ARB2A: variants seen among roughly 807,000 people sequenced by gnomAD.
The protein encoded by ARB2A is cotranscriptional regulator ARB2A.
the ARB2A span, among the ~76,000 whole-genome samples, chr5:93,858,363 T>C: frequency 2.6e-5 from 4 of 152,194 alleles, no homozygotes; most frequent in African/African-American, 7.2e-5. Context: ...CCATTCTTTG[T>C]CAGTTAGGGT....
chr5:93,649,572 C>CCCATT, the ARB2A span, among the ~76,000 whole-genome samples: 3 of 152,288 alleles, frequency 2.0e-5, no homozygotes, highest in South Asian at 6.2e-4. Context: ...GGGAATAACT[C>CCCATT]CAAATCTGTG....
chr5:93,628,052 A>ATTTTTTTTTTTTTTT, the ARB2A span, among the ~76,000 whole-genome samples: 1 of 68,302 alleles, frequency 1.5e-5, no homozygotes, highest in Non-Finnish European at 2.8e-5. Flanking sequence ...ATGTAGCATA[A>ATTTTTTTTTTTTTTT]TTTTTTTTTT....
the ARB2A span, among the ~76,000 whole-genome samples, chr5:93,690,142 C>A: frequency 3.3e-5 from 5 of 152,146 alleles, no homozygotes; most frequent in African/African-American, 4.8e-5. Context: ...GGGCAGACAA[C>A]GAGCTAGCTG....
the ARB2A span, among the ~76,000 whole-genome samples, chr5:93,904,458 A>G: frequency 2.6e-5 from 4 of 151,998 alleles, 1 homozygote; most frequent in African/African-American, 9.6e-5. Flanking sequence ...TATGGAAAAC[A>G]TAGCTAGAGT....
chr5:93,773,875 C>T, the ARB2A span, among the ~76,000 whole-genome samples: 1 of 152,182 alleles, frequency 6.6e-6, no homozygotes, highest in African/African-American at 2.4e-5. Flanking sequence ...CCACGTGATC[C>T]TCTTGCCTCA....
chr5:93,848,930 C>T, the ARB2A span, among the ~76,000 whole-genome samples: 1 of 152,198 alleles, frequency 6.6e-6, no homozygotes, highest in African/African-American at 2.4e-5. Flanking sequence ...TTTGGCAGCA[C>T]ATGGGCAGAA....
chr5:94,008,637 A>G, the ARB2A span, among the ~76,000 whole-genome samples: 1 of 152,328 alleles, frequency 6.6e-6, no homozygotes, highest in East Asian at 1.9e-4. Flanking sequence ...CATATATACT[A>G]TCTTCAATTT....
the ARB2A span, among the ~76,000 whole-genome samples, chr5:93,770,538 G>A: frequency 6.6e-6 from 1 of 152,122 alleles, no homozygotes; most frequent in Non-Finnish European, 1.5e-5. Flanking sequence ...CAGATGACAT[G>A]ATTGTATATC....
At chr5:93,762,667 C>G in the ARB2A span, among the ~76,000 whole-genome samples, 1 of 152,154 alleles carries the variant, frequency 6.6e-6, no homozygotes, top group Non-Finnish European at 1.5e-5. Flanking sequence ...TCTAGCAAGG[C>G]AGGCCAACAT....
At chr5:94,103,528 A>G in the ARB2A span, among the ~76,000 whole-genome samples, 1 of 152,120 alleles carries the variant, frequency 6.6e-6, no homozygotes. Flanking sequence ...ATAAGTTCTT[A>G]GAGACCTACA....
At chr5:93,891,451 C>G in the ARB2A span, among the ~76,000 whole-genome samples, 142 of 152,050 alleles carry the variant, frequency 9.3e-4, no homozygotes, top group African/African-American at 3.2e-3. Flanking sequence ...ATCTTCCAGG[C>G]TCCAAAATTT....
At chr5:94,039,140 A>G in the ARB2A span, among the ~76,000 whole-genome samples, 16 of 152,356 alleles carry the variant, frequency 1.1e-4, no homozygotes, top group African/African-American at 3.6e-4. Flanking sequence ...GTTACATAAG[A>G]ACTCACATTT....
At chr5:93,836,303 A>G in the ARB2A span, among the ~76,000 whole-genome samples, 1 of 152,240 alleles carries the variant, frequency 6.6e-6, no homozygotes, top group African/African-American at 2.4e-5. Context: ...CTAGGATTAC[A>G]GGCGTGAGCC....
At chr5:94,002,879 G>A in the ARB2A span, among the ~76,000 whole-genome samples, 4 of 151,968 alleles carry the variant, frequency 2.6e-5, no homozygotes, top group African/African-American at 2.4e-5. Flanking sequence ...CTCATAAAGC[G>A]GGTAGATAAG....
At chr5:93,845,062 T>C in the ARB2A span, among the ~76,000 whole-genome samples, 1 of 152,192 alleles carries the variant, frequency 6.6e-6, no homozygotes, top group African/African-American at 2.4e-5. Flanking sequence ...TGATTTTGCC[T>C]TCCAGATGCT....
chr5:93,962,427 G>A, the ARB2A span, among the ~76,000 whole-genome samples: 1 of 152,090 alleles, frequency 6.6e-6, no homozygotes, highest in African/African-American at 2.4e-5. Flanking sequence ...ACATAGGCAT[G>A]ATCATAATGT....
chr5:93,647,022 A>G, the ARB2A span, among the ~76,000 whole-genome samples: 5 of 152,182 alleles, frequency 3.3e-5, no homozygotes, highest in Non-Finnish European at 5.9e-5. Flanking sequence ...CTTGATAGTA[A>G]GTTGCAAATA....
chr5:93,767,110 A>G, the ARB2A span, among the ~76,000 whole-genome samples: 2 of 152,136 alleles, frequency 1.3e-5, no homozygotes, highest in Admixed American at 6.5e-5. Flanking sequence ...TACTGGGTGC[A>G]GCACACCAAC....
the ARB2A span, among the ~76,000 whole-genome samples, chr5:93,721,429 G>A: frequency 6.6e-6 from 1 of 152,210 alleles, no homozygotes; most frequent in Non-Finnish European, 1.5e-5. Flanking sequence ...AACTTTAAGT[G>A]TAGCATTAGT....
Sources: allele counts gnomAD v4.1 joint callset (sites outside exome capture counted in the v4.1 genomes callset), GRCh38; gene constraint gnomAD v4.1.1; transcripts MANE v1.5; gene names NCBI Gene and HGNC (gene_info 2026-07-23, HGNC 2026-07-21).